CRADD: variants seen among roughly 807,000 people sequenced by gnomAD.
The protein encoded by CRADD is death domain-containing protein CRADD.
A neutral mutation model predicts 15.5 loss-of-function variants in CRADD; 9 were observed. The ratio of observed to expected loss-of-function variants is 0.58; its 90% CI spans 0.35 to 1.01. The LOEUF (loss-of-function observed/expected upper bound fraction) is 1.01. Among genes scored for constraint, CRADD ranks in the 50% least tolerant of loss-of-function variants. CRADD has a pLI of 0.02. For synonymous variants in CRADD, 118 were observed against 107.6 expected, an observed-to-expected ratio of 1.10 and a Z score of -0.60; for missense variants, 227 against 250.3, an observed-to-expected ratio of 0.91 and a Z score of 0.63.
At position 93,824,365 on chromosome 12, in the gene CRADD, C is replaced by A. The variant is rs1485286055; in HGVS notation, c.299-25605C>A. 6.6e-6 allele frequency among the ~76,000 whole-genome samples: 1 copy of A among 151,952 alleles called. No homozygotes were observed. The highest frequency in any genetic ancestry group is 6.6e-5 in the Admixed American group (1 of 15,250). ...GTTTGATAGCACTTCAATTTTCTAA[C>A]CATAAAAGCTGCTTCTGTGCTCTTT... On this transcript the variant is annotated intron_variant, in intron 2 of 2. Coordinates refer to ENST00000332896, the MANE Select transcript of CRADD (RefSeq NM_003805.5). This position sits in a 1 kb window ranked among gnomAD's most constrained non-coding sequence, Gnocchi z 4.3.
At chr12:93,802,992 C>T (rs1957491807) in intron 2 of CRADD, among the ~76,000 whole-genome samples, 1 of 152,140 alleles carries the variant, frequency 6.6e-6, no homozygotes, top group South Asian at 2.1e-4. Context: ...AGTTTTATTT[C>T]AGAGATAAAA....
intron 2 of CRADD, among the ~76,000 whole-genome samples, chr12:93,687,575 C>T (rs1018229747): frequency 3.3e-5 from 5 of 152,122 alleles, no homozygotes; most frequent in Non-Finnish European, 5.9e-5. Context: ...AAATTGCAGC[C>T]GGGGTTGAGA....
chr12:93,722,342 T>G (rs1266693759), intron 2 of CRADD, among the ~76,000 whole-genome samples: 2 of 152,182 alleles, frequency 1.3e-5, no homozygotes, highest in African/African-American at 4.8e-5. Flanking sequence ...TTTATGCTGC[T>G]TGGTATTCTC....
rs144239834 is a variant in CRADD, at chr12:93,836,526, G to A, written c.299-13444G>A. On this transcript the variant is annotated intron_variant, in intron 2 of 2. Transcript: ENST00000332896. ...GTAGCCCAGTTTGGCATAAAAAGAGGTAACAGCCCACATCTAACCTTGACA... is the reference window on the plus strand; with the variant it reads ...GTAGCCCAGTTTGGCATAAAAAGAGATAACAGCCCACATCTAACCTTGACA... 2.5e-3 allele frequency among the ~76,000 whole-genome samples: 381 copies of A among 152,236 alleles called. 1 individual carries two copies. The highest frequency in any genetic ancestry group is 8.7e-3 in the African/African-American group (362 of 41,528).
Position 93,709,688 on chromosome 12 carries a change from T to G in CRADD, c.298+30616T>G, listed in dbSNP as rs533426054. 3.9e-5 allele frequency among the ~76,000 whole-genome samples: 6 copies of G among 152,338 alleles called. No individual in the cohort carries two copies. In the East Asian group the frequency reaches 7.7e-4, roughly 20 times the overall value. On this transcript the variant is annotated intron_variant, in intron 2 of 2. Transcript: ENST00000332896. ...TTGATGGGCGTTTAAGTTGATTCCA[T>G]GTCTTTGCTGTTGTGAATAGTGCTT...
chr12:93,852,917 T>A (rs1309063623), downstream of CRADD, among the ~76,000 whole-genome samples: 1 of 152,056 alleles, frequency 6.6e-6, no homozygotes, highest in Admixed American at 6.6e-5. Flanking sequence ...ATAACTTTTA[T>A]TAATTTTTTC....
intron 2 of CRADD, among the ~76,000 whole-genome samples, chr12:93,755,945 G>A (rs942963669): frequency 1.3e-5 from 2 of 152,156 alleles, no homozygotes; most frequent in African/African-American, 4.8e-5. Context: ...TGTGGGCCAT[G>A]TTCTAAGCCC....
chr12:93,718,039 T>C (rs1956193245), intron 2 of CRADD, among the ~76,000 whole-genome samples: 1 of 152,206 alleles, frequency 6.6e-6, no homozygotes, highest in African/African-American at 2.4e-5. Flanking sequence ...CATCTATTTG[T>C]CTGTTCTTCT....
intron 2 of CRADD, chr12:93,707,973 A>G (rs1291052968): frequency 2.0e-5 from 3 of 152,268 alleles, no homozygotes; most frequent in Non-Finnish European, 4.4e-5. Context: ...TGGCATGAAT[A>G]TAATCTCAAA....
At chr12:93,813,057 A>G (rs574345549) in intron 2 of CRADD, among the ~76,000 whole-genome samples, 45 of 152,386 alleles carry the variant, frequency 3.0e-4, no homozygotes, top group Admixed American at 2.9e-3. Flanking sequence ...GATATGTGTT[A>G]TATCATAAAA....
At chr12:93,705,352 C>A (rs1431452000) in intron 2 of CRADD, among the ~76,000 whole-genome samples, 2 of 152,142 alleles carry the variant, frequency 1.3e-5, no homozygotes, top group Admixed American at 1.3e-4. Context: ...TACAGGTTGC[C>A]TATTGTGTAG....
At chr12:93,731,995 G>A (rs1956473168) in intron 2 of CRADD, among the ~76,000 whole-genome samples, 1 of 152,094 alleles carries the variant, frequency 6.6e-6, no homozygotes, top group Non-Finnish European at 1.5e-5. Context: ...AATTAGCCAG[G>A]CATGGTGATG....
At chr12:93,742,433 C>T (rs1456409969) in intron 2 of CRADD, among the ~76,000 whole-genome samples, 1 of 145,040 alleles carries the variant, frequency 6.9e-6, no homozygotes, top group East Asian at 1.9e-4. Flanking sequence ...CCCAGCCGCC[C>T]TAGGGCGCCG....
chr12:93,771,684 A>G (rs1957086817), intron 2 of CRADD, among the ~76,000 whole-genome samples: 1 of 152,220 alleles, frequency 6.6e-6, no homozygotes, highest in Non-Finnish European at 1.5e-5. Context: ...GCAATAATGA[A>G]CTTAGTAGTA....
chr12:93,767,289 C>G (rs1957036401), intron 2 of CRADD, among the ~76,000 whole-genome samples: 1 of 152,186 alleles, frequency 6.6e-6, no homozygotes, highest in Non-Finnish European at 1.5e-5. Flanking sequence ...TCCTTTAAGC[C>G]TTAATTGGAG....
intron 2 of CRADD, among the ~76,000 whole-genome samples, chr12:93,799,205 A>G (rs1957452103): frequency 2.0e-5 from 3 of 152,226 alleles, no homozygotes; most frequent in African/African-American, 7.2e-5. Context: ...TAAATGATTA[A>G]CTAAAACAAC....
intron 2 of CRADD, among the ~76,000 whole-genome samples, chr12:93,770,969 G>C (rs1482004365): frequency 6.6e-6 from 1 of 152,100 alleles, no homozygotes; most frequent in Non-Finnish European, 1.5e-5. Flanking sequence ...TGTACATAGA[G>C]TATCTTTCCA....
chr12:93,839,506 A>G (rs1004095253), intron 2 of CRADD, among the ~76,000 whole-genome samples: 7 of 152,184 alleles, frequency 4.6e-5, no homozygotes, highest in African/African-American at 9.7e-5. Flanking sequence ...AGTACATTCA[A>G]TTTTACCCAC....
intron 2 of CRADD, among the ~76,000 whole-genome samples, chr12:93,691,602 A>G (rs1046258808): frequency 6.6e-6 from 1 of 152,152 alleles, no homozygotes; most frequent in East Asian, 1.9e-4. Flanking sequence ...GTTAACCACT[A>G]AATGGGGTAA....
Sources: allele counts gnomAD v4.1 joint callset (sites outside exome capture counted in the v4.1 genomes callset), GRCh38; gene constraint gnomAD v4.1.1; non-coding constraint Gnocchi (gnomAD v3.1); transcripts MANE v1.5; gene names NCBI Gene and HGNC (gene_info 2026-07-23, HGNC 2026-07-21).